The following IL1RAPL2 variants were observed in gnomAD, a reference collection of about 807,000 sequenced individuals.
IL1RAPL2 encodes the protein X-linked interleukin-1 receptor accessory protein-like 2.
IL1RAPL2 carries 3 observed loss-of-function variants against 44.1 expected under a neutral mutation model. The observed-to-expected ratio is 0.07, with a 90% CI of 0.03 to 0.18. The LOEUF (loss-of-function observed/expected upper bound fraction) is 0.18, where lower values mean the gene tolerates loss of function less well. IL1RAPL2 is among the 10% of genes least tolerant of loss of function. The pLI is 1.00. For missense variants in IL1RAPL2, 391 were observed against 496.4 expected, an observed-to-expected ratio of 0.79 and a Z score of 2.02; for synonymous variants, 181 against 178.8, an observed-to-expected ratio of 1.01 and a Z score of -0.10.
intron 6 of IL1RAPL2, among the ~76,000 whole-genome samples, chrX:105,697,203 C>A (rs772094244): frequency 9.1e-6 from 1 of 109,716 alleles, no homozygotes; most frequent in East Asian, 2.9e-4. Context: ...CCCACTAGGC[C>A]CCACTTTCAA....
At chrX:105,180,338 AAAAAAC>A (rs1373678556) in intron 2 of IL1RAPL2, among the ~76,000 whole-genome samples, 1 of 108,931 alleles carries the variant, frequency 9.2e-6, no homozygotes, top group Non-Finnish European at 1.9e-5. Context: ...ACTCCATCTC[AAAAAAC>A]AAAAACAAAA....
chrX:105,424,612 CTAGT>C (rs1264020568), intron 5 of IL1RAPL2, among the ~76,000 whole-genome samples: 3 of 108,756 alleles, frequency 2.8e-5, no homozygotes, highest in African/African-American at 1.0e-4. Context: ...TGTGGAGAAG[CTAGT>C]TAAACAGTAA....
At chrX:105,158,900 A>G (rs2033296170) in intron 2 of IL1RAPL2, among the ~76,000 whole-genome samples, 1 of 111,307 alleles carries the variant, frequency 9.0e-6, no homozygotes, top group Non-Finnish European at 1.9e-5. Flanking sequence ...ATTCCGCACC[A>G]TACTTGCCCT....
At chrX:104,598,776 C>T (rs891258917) in intron 1 of IL1RAPL2, among the ~76,000 whole-genome samples, 27 of 111,998 alleles carry the variant, frequency 2.4e-4, no homozygotes, top group African/African-American at 7.1e-4. Context: ...TATGCTATAC[C>T]TTCCAAGTAG....
intron 6 of IL1RAPL2, among the ~76,000 whole-genome samples, chrX:105,535,947 A>C (rs1374694638): frequency 9.0e-6 from 1 of 111,662 alleles, no homozygotes; most frequent in Non-Finnish European, 1.9e-5. Flanking sequence ...TAAATTAAAA[A>C]ATTTACAGTA....
intron 2 of IL1RAPL2, among the ~76,000 whole-genome samples, chrX:104,776,454 G>C (rs1192855865): frequency 1.8e-5 from 2 of 111,969 alleles, no homozygotes; most frequent in Middle Eastern, 4.6e-3. Context: ...CAACACTTAA[G>C]CTTTCTGTGC....
intron 5 of IL1RAPL2, among the ~76,000 whole-genome samples, chrX:105,358,249 A>G (rs1280931103): frequency 9.2e-6 from 1 of 108,979 alleles, no homozygotes; most frequent in Non-Finnish European, 1.9e-5. Flanking sequence ...ATTTCACCTT[A>G]TATGTTTTTT....
At chrX:105,046,616 C>G (rs745527620) in intron 2 of IL1RAPL2, among the ~76,000 whole-genome samples, 1 of 111,134 alleles carries the variant, frequency 9.0e-6, no homozygotes, top group East Asian at 2.8e-4. Flanking sequence ...AAAAAATAAA[C>G]TACACTTGAC....
intron 2 of IL1RAPL2, among the ~76,000 whole-genome samples, chrX:104,855,517 T>C (rs1237792284): frequency 9.1e-6 from 1 of 110,075 alleles, no homozygotes; most frequent in Non-Finnish European, 1.9e-5. Flanking sequence ...ACAGTCCAGA[T>C]TCTTCCTAGC....
chrX:105,539,994 G>T (rs940992422), intron 6 of IL1RAPL2, among the ~76,000 whole-genome samples: 2 of 110,496 alleles, frequency 1.8e-5, no homozygotes, highest in Non-Finnish European at 3.8e-5. Context: ...TCTCACACTA[G>T]TCAGAATGGC....
chrX:104,659,096 A>G (rs918034396), intron 2 of IL1RAPL2, 101 bp downstream of exon 2: 2 of 521,235 alleles, frequency 3.8e-6, no homozygotes, highest in African/African-American at 4.8e-5. Context: ...TTTAAATAGA[A>G]GCACTCGTAT....
At chrX:104,942,670 A>T (rs1410454292) in intron 2 of IL1RAPL2, among the ~76,000 whole-genome samples, 1 of 111,279 alleles carries the variant, frequency 9.0e-6, no homozygotes, top group African/African-American at 3.3e-5. Context: ...TCTTTTCCTA[A>T]TTGAATACCC....
intron 2 of IL1RAPL2, among the ~76,000 whole-genome samples, chrX:105,063,998 C>G (rs963077248): frequency 2.7e-5 from 3 of 112,019 alleles, no homozygotes; most frequent in Admixed American, 9.4e-5. Context: ...GACCTAAAGC[C>G]AGCACAGCAC....
intron 2 of IL1RAPL2, among the ~76,000 whole-genome samples, chrX:104,778,727 A>T (rs770138904): frequency 4.6e-5 from 5 of 109,035 alleles, no homozygotes; most frequent in Non-Finnish European, 5.7e-5. Flanking sequence ...TATATATATA[A>T]TTTTTACCAG....
intron 2 of IL1RAPL2, among the ~76,000 whole-genome samples, chrX:104,862,601 TC>T (rs1366222249): frequency 9.0e-6 from 1 of 111,468 alleles, no homozygotes. Flanking sequence ...CAGATTTCTA[TC>T]CTCCAGAGCT....
chrX:105,525,237 A>C (rs780914672), intron 6 of IL1RAPL2, among the ~76,000 whole-genome samples: 1 of 111,560 alleles, frequency 9.0e-6, no homozygotes, highest in Non-Finnish European at 1.9e-5. Flanking sequence ...ATATAAGGCA[A>C]AACTAGTTTA....
intron 2 of IL1RAPL2, among the ~76,000 whole-genome samples, chrX:105,144,157 A>G (rs1275201948): frequency 1.1e-5 from 1 of 89,279 alleles, no homozygotes; most frequent in Non-Finnish European, 2.2e-5. Context: ...GGGTAAATTC[A>G]TTGTCTTTCC....
chrX:104,950,717 T>G (rs1400721131), intron 2 of IL1RAPL2, among the ~76,000 whole-genome samples: 1 of 109,129 alleles, frequency 9.2e-6, no homozygotes, highest in East Asian at 2.9e-4. Context: ...TTGTTTTTGT[T>G]TTTTTTTTTG....
intron 5 of IL1RAPL2, among the ~76,000 whole-genome samples, chrX:105,394,158 C>T (rs2035546267): frequency 8.9e-6 from 1 of 111,927 alleles, no homozygotes; most frequent in Non-Finnish European, 1.9e-5. Flanking sequence ...AGCAATGCAG[C>T]ATATCTATAA....
Sources: allele counts gnomAD v4.1 joint callset (sites outside exome capture counted in the v4.1 genomes callset), GRCh38; gene constraint gnomAD v4.1.1; transcripts MANE v1.5; gene names NCBI Gene and HGNC (gene_info 2026-07-23, HGNC 2026-07-21).